The following NTN4 variants were observed in gnomAD, a reference collection of about 807,000 sequenced individuals.
NTN4 encodes netrin 4.
In NTN4, 32 loss-of-function variants were observed where a neutral mutation model predicts 73.6. The observed-to-expected ratio is 0.44, with a 90% CI of 0.33 to 0.58. The LOEUF (loss-of-function observed/expected upper bound fraction) is 0.58. Among genes scored for constraint, NTN4 ranks in the 20% least tolerant of loss-of-function variants. NTN4 has a pLI of 0.04. For missense variants in NTN4, 654 were observed against 798.3 expected (o/e 0.82, Z 2.18); for synonymous variants, 258 against 287.5 (o/e 0.90, Z 1.04).
chr12:95,702,298 C>CAAAAAAAAAGAAAAAAAAAAAAAA (rs2078490975), intron 5 of NTN4, among the ~76,000 whole-genome samples: 1 of 100,150 alleles, frequency 1.0e-5, no homozygotes, highest in Non-Finnish European at 2.2e-5. Context: ...AAAAAAAAAA[C>CAAAAAAAAAGAAAAAAAAAAAAAA]AAAAAAAAAG....
At chr12:95,697,803 C>T (rs2078453560) in intron 5 of NTN4, among the ~76,000 whole-genome samples, 1 of 152,022 alleles carries the variant, frequency 6.6e-6, no homozygotes, top group Admixed American at 6.6e-5. Context: ...GTCAGACTAA[C>T]CTGGGTTCAA....
intron 2 of NTN4, among the ~76,000 whole-genome samples, chr12:95,762,754 G>A (rs979220039): frequency 6.6e-6 from 1 of 152,194 alleles, no homozygotes. Flanking sequence ...ATTTATATAG[G>A]AGAGCTGAAA....
chr12:95,720,498 G>C (rs913871904), intron 3 of NTN4, among the ~76,000 whole-genome samples: 4 of 152,042 alleles, frequency 2.6e-5, no homozygotes, highest in Non-Finnish European at 4.4e-5. Flanking sequence ...TGAATCCCTG[G>C]TAACTGACAT....
intron 5 of NTN4, among the ~76,000 whole-genome samples, chr12:95,699,690 G>A (rs934876487): frequency 6.6e-6 from 1 of 152,026 alleles, no homozygotes; most frequent in East Asian, 1.9e-4. Flanking sequence ...TGGTTCATTT[G>A]GGTAGGTAGC....
chr12:95,760,832 T>G (rs887211248), intron 2 of NTN4, among the ~76,000 whole-genome samples: 13 of 152,122 alleles, frequency 8.5e-5, no homozygotes, highest in Non-Finnish European at 1.6e-4. Context: ...ACTTTTGGAG[T>G]GTCAGAAGTG....
rs1201790219 is a variant in NTN4, at chr12:95,672,573, G to A, written c.1511-2427C>T. ...ATGAGGACTTGGCGCCTCAATGAGC[G>A]GCACTATGGGGGTCTGACCGATCTC... On this transcript the variant is annotated intron_variant, in intron 7 of 9. Coordinates refer to ENST00000343702, the MANE Select transcript of NTN4 (RefSeq NM_021229.4). 41 of 1,521,252 alleles carry A rather than the reference G, an allele frequency of 2.7e-5. No homozygotes were observed. The East Asian group carries it at 5.2e-4, about 19-fold the overall frequency. The allele number at this position is 1,521,252 out of a possible 1,614,324, so 94.2% of individuals were successfully genotyped here.
At chr12:95,769,611 G>A (rs2079042550) in intron 2 of NTN4, among the ~76,000 whole-genome samples, 1 of 151,642 alleles carries the variant, frequency 6.6e-6, no homozygotes, top group Non-Finnish European at 1.5e-5. Context: ...CAGAAGAGCT[G>A]GATTGGTACA....
At chr12:95,736,597 C>G (rs2078779457) in intron 3 of NTN4, among the ~76,000 whole-genome samples, 1 of 152,122 alleles carries the variant, frequency 6.6e-6, no homozygotes, top group African/African-American at 2.4e-5. Flanking sequence ...CTACCTGAAC[C>G]CAGTTAACTG....
chr12:95,690,612 T>C (rs1047168777), intron 5 of NTN4, among the ~76,000 whole-genome samples: 1 of 152,156 alleles, frequency 6.6e-6, no homozygotes, highest in African/African-American at 2.4e-5. Context: ...AAGAAATAAT[T>C]CATTTGGATT....
chr12:95,717,898 T>A (rs2078618867), intron 3 of NTN4, among the ~76,000 whole-genome samples: 1 of 152,222 alleles, frequency 6.6e-6, no homozygotes, highest in African/African-American at 2.4e-5. Flanking sequence ...ATTCTATGAT[T>A]TCCATAAACT....
intron 7 of NTN4, among the ~76,000 whole-genome samples, chr12:95,674,291 G>A (rs537094401): frequency 6.6e-6 from 1 of 152,154 alleles, no homozygotes; most frequent in Non-Finnish European, 1.5e-5. Context: ...GGCATATACT[G>A]TTCCTCAACA....
intron 7 of NTN4, among the ~76,000 whole-genome samples, chr12:95,670,836 AGAATAAGTAGAATATTTTCT>A (rs2078222154): frequency 3.6e-4 from 1 of 2,802 alleles, no homozygotes; most frequent in Non-Finnish European, 5.3e-4. Flanking sequence ...GGGACTTTGA[AGAATAAGTAGAATATTTTCT>A]CCCAATAGTT....
intron 2 of NTN4, among the ~76,000 whole-genome samples, chr12:95,785,527 C>T (rs2079160773): frequency 6.6e-6 from 1 of 152,186 alleles, no homozygotes; most frequent in African/African-American, 2.4e-5. Context: ...GGTTCTGGTG[C>T]CAGCAGCACT....
chr12:95,778,410 G>T lies in NTN4; in HGVS notation c.585+8529C>A, dbSNP rs938376284. ...AAAAGATCAACAAAATTGATAGACCGCTAGCAAGACCAATAAAGAAGAAAA... is the reference window on the plus strand; with the variant it reads ...AAAAGATCAACAAAATTGATAGACCTCTAGCAAGACCAATAAAGAAGAAAA... On this transcript the variant is annotated intron_variant, in intron 2 of 9. Coordinates refer to ENST00000343702, the MANE Select transcript of NTN4 (RefSeq NM_021229.4). 4.6e-5 allele frequency among the ~76,000 whole-genome samples: 7 copies of T among 151,852 alleles called. No individual in the cohort carries two copies. In the East Asian group the frequency reaches 9.7e-4, roughly 21 times the overall value.
At chr12:95,783,496 A>C (rs1324884940) in intron 2 of NTN4, among the ~76,000 whole-genome samples, 3 of 152,220 alleles carry the variant, frequency 2.0e-5, no homozygotes, top group Non-Finnish European at 4.4e-5. Flanking sequence ...TTTTACCTTC[A>C]TGTCATCTCC....
chr12:95,790,882 C>T (rs2079205076), upstream of NTN4: 1 of 146,640 alleles, frequency 6.8e-6, no homozygotes, highest in African/African-American at 2.5e-5. The surrounding 1 kb of genome is among the most constrained non-coding windows in gnomAD (Gnocchi z 6.5). Flanking sequence ...CTTGACAGCC[C>T]GGGCGGCGCA....
intron 5 of NTN4, among the ~76,000 whole-genome samples, chr12:95,688,694 C>G (rs1354398883): frequency 6.6e-5 from 10 of 150,382 alleles, no homozygotes; most frequent in Non-Finnish European, 1.3e-4. Context: ...AAGGATAGAA[C>G]ACGGTGGAAA....
chr12:95,682,862 T>G, intron 6 of NTN4, 40 bp from the exon 7 acceptor site: 3 of 1,194,536 alleles, frequency 2.5e-6, no homozygotes, highest in Non-Finnish European at 3.7e-6. Flanking sequence ...ATTCAGGAAT[T>G]TTTTAGAACT....
chr12:95,662,254 A>G (rs1307809920), intron 9 of NTN4, among the ~76,000 whole-genome samples: 1 of 95,002 alleles, frequency 1.1e-5, no homozygotes, highest in East Asian at 3.2e-4. Context: ...TTTTTTTGAC[A>G]GGGTCTCACT....
Sources: allele counts gnomAD v4.1 joint callset (sites outside exome capture counted in the v4.1 genomes callset), GRCh38; gene constraint gnomAD v4.1.1; non-coding constraint Gnocchi (gnomAD v3.1); transcripts MANE v1.5; gene names NCBI Gene and HGNC (gene_info 2026-07-23, HGNC 2026-07-21).